The following CEP43 variants were observed in gnomAD, a reference collection of about 807,000 sequenced individuals.
CEP43 encodes the protein FGFR1 oncogene partner.
A neutral mutation model predicts 52.6 loss-of-function variants in CEP43; 36 were observed. The observed-to-expected ratio is 0.68, with a 90% CI of 0.52 to 0.90. The LOEUF (loss-of-function observed/expected upper bound fraction) is 0.90, where lower values mean the gene tolerates loss of function less well. CEP43 is among the 40% of genes least tolerant of loss of function. The pLI, the probability that CEP43 is intolerant of heterozygous loss-of-function variation, is 0.00. For synonymous variants in CEP43, 192 were observed against 172.4 expected (o/e 1.11, Z -0.89); for missense variants, 506 against 472.8 (o/e 1.07, Z -0.65).
At chr6:167,024,557 G>C (rs1780311545) in intron 8 of CEP43, among the ~76,000 whole-genome samples, 1 of 152,166 alleles carries the variant, frequency 6.6e-6, no homozygotes, top group African/African-American at 2.4e-5. Context: ...ATTCTAAAGA[G>C]AGGTGAGCTG....
chr6:167,009,052 T>G (rs1368285150), intron 5 of CEP43, among the ~76,000 whole-genome samples: 1 of 151,340 alleles, frequency 6.6e-6, no homozygotes, highest in Non-Finnish European at 1.5e-5. Context: ...GCCAGGAGTT[T>G]GAGACCAGCC....
intron 5 of CEP43, among the ~76,000 whole-genome samples, chr6:167,006,738 C>T (rs756339609): frequency 6.6e-5 from 10 of 152,098 alleles, no homozygotes; most frequent in South Asian, 2.1e-4. Context: ...TACTGAGGGA[C>T]GACTGTGTTA....
At chr6:167,009,784 C>A (rs1252862519) in intron 5 of CEP43, among the ~76,000 whole-genome samples, 5 of 151,460 alleles carry the variant, frequency 3.3e-5, no homozygotes, top group Admixed American at 6.6e-5. Context: ...TGCAGTGAGC[C>A]GAGATCGCAC....
intron 2 of CEP43, among the ~76,000 whole-genome samples, chr6:167,001,558 C>T (rs906108251): frequency 6.6e-6 from 1 of 152,180 alleles, no homozygotes; most frequent in African/African-American, 2.4e-5. Context: ...GTAACTCCAG[C>T]CCTGTAACTT....
At position 167,036,274 on chromosome 6, in the gene CEP43, A is replaced by G. The variant is rs928522962; in HGVS notation, c.1125+2303A>G. ...GGAACATGGTAAGCTCCATGAGAACAGAAGGGAGATCCCGGGACATGTCAG... is the reference window on the plus strand; with the variant it reads ...GGAACATGGTAAGCTCCATGAGAACGGAAGGGAGATCCCGGGACATGTCAG... On this transcript the variant is annotated intron_variant, in intron 12 of 12. Coordinates refer to ENST00000366847, the MANE Select transcript of CEP43 (RefSeq NM_007045.4). 5.1e-6 allele frequency: 5 copies of G among 985,334 alleles called. No homozygotes were observed. The Admixed American group carries it at 1.8e-4, about 36-fold the overall frequency. The allele number at this position is 985,334 out of a possible 1,614,324, so 61.0% of individuals were successfully genotyped here. A position where few individuals can be genotyped will look rare whatever the true frequency, so the allele number is the denominator to read the frequency against.
At chr6:167,021,339 C>T (rs1260073930) in intron 7 of CEP43, among the ~76,000 whole-genome samples, 1 of 152,178 alleles carries the variant, frequency 6.6e-6, no homozygotes, top group Non-Finnish European at 1.5e-5. Context: ...ACTTAACTCT[C>T]TGGAGACTTT....
intron 8 of CEP43, 43 bp from the exon 9 acceptor site, chr6:167,024,739 C>G: frequency 7.5e-7 from 1 of 1,332,896 alleles, no homozygotes; most frequent in Non-Finnish European, 1.1e-6. Context: ...TGTTTAGTGG[C>G]AGAACATAAG....
At chr6:167,020,951 A>G (rs1418515498) in intron 7 of CEP43, among the ~76,000 whole-genome samples, 1 of 148,172 alleles carries the variant, frequency 6.7e-6, no homozygotes, top group Non-Finnish European at 1.5e-5. Flanking sequence ...GACTGGGTGT[A>G]GTTTGTGCTT....
intron 2 of CEP43, among the ~76,000 whole-genome samples, chr6:167,001,201 G>C (rs1273470670): frequency 6.6e-6 from 1 of 152,164 alleles, no homozygotes; most frequent in Non-Finnish European, 1.5e-5. Flanking sequence ...ATGTTTATCT[G>C]TACCTCTTTC....
intron 7 of CEP43, among the ~76,000 whole-genome samples, chr6:167,017,583 ATTCTT>A (rs1780131966): frequency 6.7e-6 from 1 of 149,934 alleles, no homozygotes; most frequent in African/African-American, 2.4e-5. Context: ...TTGGAAAAAA[ATTCTT>A]TTTTTTTTTT....
intron 2 of CEP43, 23 bp downstream of exon 2, chr6:167,000,136 C>T: frequency 6.4e-7 from 1 of 1,568,318 alleles, no homozygotes; most frequent in South Asian, 1.1e-5. Context: ...CAGATTTTAA[C>T]ATGGCTGTAT....
intron 5 of CEP43, among the ~76,000 whole-genome samples, chr6:167,004,997 TTAA>T (rs928400435): frequency 3.2e-4 from 49 of 152,346 alleles, no homozygotes; most frequent in South Asian, 8.3e-4. Flanking sequence ...GCTAATGAGA[TTAA>T]TGATATAATT....
At chr6:167,004,227 A>AT (rs747844706) in intron 4 of CEP43, 37 bp from the exon 5 acceptor site, 10 of 1,575,090 alleles carry the variant, frequency 6.3e-6, no homozygotes, top group Non-Finnish European at 6.9e-6. Context: ...AACTTCTGCT[A>AT]TTTTTTTGTG....
chr6:167,010,229 C>T (rs1229785477), intron 5 of CEP43, among the ~76,000 whole-genome samples: 1 of 152,134 alleles, frequency 6.6e-6, no homozygotes, highest in Admixed American at 6.5e-5. Flanking sequence ...TGGCATTAAC[C>T]ACAGTGCTCA....
chr6:167,039,462 A>G (rs886109442), intron 12 of CEP43, among the ~76,000 whole-genome samples: 3 of 152,164 alleles, frequency 2.0e-5, no homozygotes, highest in Non-Finnish European at 4.4e-5. Context: ...GTAGTATTCC[A>G]TGGTATGTAT....
chr6:167,041,912 C>T lies in CEP43; in HGVS notation c.*1934C>T. 1.6e-6 allele frequency: 1 copy of T among 639,288 alleles called. No individual in the cohort carries two copies. Among genetic ancestry groups the T allele is most frequent in the Non-Finnish European group, 2.0e-6 (1 of 507,440 alleles). The allele number at this position is 639,288 out of a possible 1,614,324, so 39.6% of individuals were successfully genotyped here. On this transcript the variant is annotated 3_prime_UTR_variant, in exon 13 of 13. Transcript: ENST00000366847. Reference sequence around the variant, plus strand: ...GATCTCGGCTCACTGCAACCTCCGCCTCCTGGGTTCAAGCGATTCTCCTGC... The same window carrying T: ...GATCTCGGCTCACTGCAACCTCCGCTTCCTGGGTTCAAGCGATTCTCCTGC...
intron 10 of CEP43, chr6:167,028,001 T>C: frequency 1.0e-6 from 1 of 985,956 alleles, no homozygotes; most frequent in Non-Finnish European, 1.2e-6. Flanking sequence ...TAGGTGGGCC[T>C]GCCTCCTTTC....
intron 5 of CEP43, among the ~76,000 whole-genome samples, chr6:167,006,374 G>A (rs1779854203): frequency 6.6e-6 from 1 of 152,098 alleles, no homozygotes; most frequent in Non-Finnish European, 1.5e-5. Context: ...AATTAGCTGG[G>A]CGCGGTGGTG....
rs1342784735 is a variant in CEP43 at position 167,024,795 on chromosome 6, A to G, written c.820A>G (p.Arg274Gly). ...EKTYGLRKEP[R>G]KQAGSLASLS... ...GTTTCTTGTTAGGAGGAAGGAACCTAGGAAGCAAGCAGGAAGTCTGGCCTC... is the reference window on the plus strand; with the variant it reads ...GTTTCTTGTTAGGAGGAAGGAACCTGGGAAGCAAGCAGGAAGTCTGGCCTC... Residue 274 changes from arginine to glycine, a missense_variant, in exon 9 of 13, where the codon AGG becomes GGG. Transcript: ENST00000366847. 1.2e-6 allele frequency: 2 copies of G among 1,613,206 alleles called. No individual in the cohort carries two copies. Among genetic ancestry groups the G allele is most frequent in the South Asian group, 1.1e-5 (1 of 91,010 alleles).
Sources: allele counts gnomAD v4.1 joint callset (sites outside exome capture counted in the v4.1 genomes callset), GRCh38; gene constraint gnomAD v4.1.1; transcripts MANE v1.5; gene names NCBI Gene and HGNC (gene_info 2026-07-23, HGNC 2026-07-21).